Variants in ZNF217 observed in about 807,000 individuals in gnomAD.
ZNF217 encodes zinc finger protein 217.
ZNF217 carries 12 observed loss-of-function variants against 73.3 expected under a neutral mutation model. The ratio of observed to expected loss-of-function variants is 0.16; its 90% CI spans 0.10 to 0.27. ZNF217 has a LOEUF of 0.27. ZNF217 is among the 10% of genes least tolerant of loss of function. The pLI is 1.00. For missense variants in ZNF217, 1,195 were observed against 1,327.8 expected (o/e 0.90, Z 1.55); for synonymous variants, 588 against 516.4 (o/e 1.14, Z -1.88).
intron 1 of ZNF217, among the ~76,000 whole-genome samples, chr20:53,583,675 C>G (rs374334966): frequency 3.3e-5 from 5 of 152,182 alleles, no homozygotes; most frequent in Admixed American, 6.5e-5. Context: ...CCAAACACCC[C>G]CTTAGAGATT....
At chr20:53,595,745 T>TATCTTTAA (rs770157350), upstream of ZNF217, among the ~76,000 whole-genome samples, 40 of 152,232 alleles carry the variant, frequency 2.6e-4, no homozygotes, top group Non-Finnish European at 5.6e-4. Context: ...GATGAATACC[T>TATCTTTAA]ATCTTTAAAA....
At chr20:53,590,002 T>G (rs1309172137) in intron 1 of ZNF217, among the ~76,000 whole-genome samples, 1 of 149,580 alleles carries the variant, frequency 6.7e-6, no homozygotes, top group African/African-American at 2.4e-5. Flanking sequence ...CTTCCCTCTT[T>G]AGAATATTTA....
chr20:53,575,627 C>T (rs1988222928), intron 4 of ZNF217, 100 bp downstream of exon 4: 4 of 1,220,112 alleles, frequency 3.3e-6, no homozygotes, highest in South Asian at 3.2e-5. Flanking sequence ...GGCTGCCTAC[C>T]CCCCACCCTT....
At chr20:53,595,536 A>C (rs542016711), upstream of ZNF217, among the ~76,000 whole-genome samples, 1 of 152,348 alleles carries the variant, frequency 6.6e-6, no homozygotes, top group East Asian at 1.9e-4. Context: ...TTTTGCTGTC[A>C]TTTTATATAT....
upstream of ZNF217, among the ~76,000 whole-genome samples, chr20:53,594,514 C>T (rs1420271385): frequency 6.6e-6 from 1 of 151,482 alleles, no homozygotes; most frequent in Non-Finnish European, 1.5e-5. Context: ...CGCTCGGCGA[C>T]TCCCGCGCAC....
chr20:53,578,595 T>A, intron 2 of ZNF217, 145 bp from the exon 3 acceptor site: 1 of 558,064 alleles, frequency 1.8e-6, no homozygotes, highest in Non-Finnish European at 3.2e-6. Context: ...ACAAAACGGC[T>A]AGACACACAC....
At chr20:53,594,498 A>C (rs969582406), upstream of ZNF217, among the ~76,000 whole-genome samples, 5 of 150,232 alleles carry the variant, frequency 3.3e-5, no homozygotes, top group African/African-American at 1.2e-4. Flanking sequence ...GCGCACTCCC[A>C]GTTCTCGCTC....
chr20:53,573,908 T>C (rs1350017587), intron 4 of ZNF217, among the ~76,000 whole-genome samples: 1 of 151,944 alleles, frequency 6.6e-6, no homozygotes, highest in African/African-American at 2.4e-5. Flanking sequence ...CCGTCTCTAC[T>C]AAAAATACAA....
intron 3 of ZNF217, among the ~76,000 whole-genome samples, chr20:53,577,750 T>C (rs1169705649): frequency 1.3e-5 from 2 of 152,212 alleles, no homozygotes; most frequent in Non-Finnish European, 2.9e-5. Flanking sequence ...CATTTTAAAA[T>C]ACTGTAGCTT....
At chr20:53,575,227 G>C (rs1988203357) in intron 4 of ZNF217, 1 of 152,416 alleles carries the variant, frequency 6.6e-6, no homozygotes, top group East Asian at 1.9e-4. Flanking sequence ...TGCATCTGTA[G>C]TCTAAGATAC....
chr20:53,582,070 A>G lies in ZNF217; in HGVS notation c.757T>C (p.Ser253Pro). 6.2e-7 allele frequency: 1 copy of G among 1,614,092 alleles called. No homozygotes were observed. The highest frequency in any genetic ancestry group is 8.5e-7 in the Non-Finnish European group (1 of 1,180,018). Residue 253 changes from serine (S) to proline (P), a missense_variant, in exon 2 of 6, where the codon TCT becomes CCT. By Grantham distance (74) the Ser-to-Pro change is moderately conservative. This residue lies in a region of ZNF217 where 126 missense variants were observed against 114.4 expected (regional missense o/e 1.10). Transcript: ENST00000371471. The surrounding 1 kb of genome is among the most constrained non-coding windows in gnomAD (Gnocchi z 4.8). ...AFGTSSAQTD[S>P]PQGGMPSSRE... Reference sequence around the variant, plus strand: ...GAGGACGGCATTCCTCCTTGTGGAGAGTCTGTCTGCGCGCTGCTGGTACCG... The same window carrying G: ...GAGGACGGCATTCCTCCTTGTGGAGGGTCTGTCTGCGCGCTGCTGGTACCG...
chr20:53,590,752 A>C (rs66678311), intron 1 of ZNF217, among the ~76,000 whole-genome samples: 4 of 152,116 alleles, frequency 2.6e-5, no homozygotes, highest in African/African-American at 9.7e-5. Context: ...AAATGTTGTT[A>C]AGAGAGAAAA....
intron 2 of ZNF217, among the ~76,000 whole-genome samples, chr20:53,580,808 C>A (rs150691672): frequency 6.6e-6 from 1 of 152,076 alleles, no homozygotes; most frequent in African/African-American, 2.4e-5. Flanking sequence ...CAGCACCAAA[C>A]GGCTGCCCAA....
intron 1 of ZNF217, among the ~76,000 whole-genome samples, chr20:53,592,627 G>A (rs574547732): frequency 1.3e-5 from 2 of 150,642 alleles, no homozygotes; most frequent in South Asian, 4.3e-4. Context: ...CGGGACCCAG[G>A]TTCCGGCGCG....
At chr20:53,596,423 C>T (rs1245167591), upstream of ZNF217, among the ~76,000 whole-genome samples, 2 of 152,188 alleles carry the variant, frequency 1.3e-5, no homozygotes, top group African/African-American at 4.8e-5. Context: ...TTGCAAAATT[C>T]TGCCAGTGAC....
chr20:53,578,263 A>G (rs991315423), intron 3 of ZNF217, 71 bp downstream of exon 3: 56 of 1,070,118 alleles, frequency 5.2e-5, no homozygotes, highest in Non-Finnish European at 7.3e-5. Context: ...GTATCTGAAC[A>G]ACAACAACAA....
At position 53,571,734 on chromosome 20, in the gene ZNF217, A is replaced by T; in HGVS notation, c.*10T>A. ...ACATATGCTCACCTTTTTTCCCCCT[A>T]ATTAGTGAATCAAGTTTTTTTGTCA... On this transcript the variant is annotated 3_prime_UTR_variant, in exon 5 of 6. Transcript: ENST00000371471. 6.2e-7 allele frequency: 1 copy of T among 1,605,990 alleles called. No individual in the cohort carries two copies. Among genetic ancestry groups the T allele is most frequent in the Non-Finnish European group, 8.5e-7 (1 of 1,177,820 alleles).
intron 5 of ZNF217, 108 bp from the exon 6 acceptor site, chr20:53,569,372 G>T: frequency 1.3e-6 from 1 of 752,768 alleles, no homozygotes; most frequent in Non-Finnish European, 1.8e-6. Context: ...ACCTAGAAAT[G>T]CAATGGGTTC....
upstream of ZNF217, among the ~76,000 whole-genome samples, chr20:53,594,678 TC>T (rs1301745670): frequency 6.6e-6 from 1 of 151,618 alleles, no homozygotes; most frequent in Non-Finnish European, 1.5e-5. Context: ...CAGGCGCAGA[TC>T]CGGCCCTGTC....
Sources: allele counts gnomAD v4.1 joint callset (sites outside exome capture counted in the v4.1 genomes callset), GRCh38; gene constraint gnomAD v4.1.1; regional missense constraint gnomAD v4.1.1; non-coding constraint Gnocchi (gnomAD v3.1); transcripts MANE v1.5; gene names NCBI Gene and HGNC (gene_info 2026-07-23, HGNC 2026-07-21).